PDCD1LG2: variants seen among roughly 807,000 people sequenced by gnomAD.
The protein encoded by PDCD1LG2 is programmed cell death 1 ligand 2.
In PDCD1LG2, 32 loss-of-function variants were observed where a neutral mutation model predicts 28.2. The observed-to-expected ratio is 1.13, with a 90% confidence interval of 0.86 to 1.52. The LOEUF (loss-of-function observed/expected upper bound fraction) is 1.52, where lower values mean the gene tolerates loss of function less well. Among genes scored for constraint, PDCD1LG2 ranks in the 40% most tolerant of loss-of-function variants. PDCD1LG2 has a pLI of 0.00. For missense variants in PDCD1LG2, 385 were observed against 323.8 expected, an observed-to-expected ratio of 1.19 and a Z score of -1.45; for synonymous variants, 116 against 120.2, an observed-to-expected ratio of 0.97 and a Z score of 0.23.
chr9:5,524,382 A>G (rs1328800471), intron 2 of PDCD1LG2, among the ~76,000 whole-genome samples: 1 of 152,246 alleles, frequency 6.6e-6, no homozygotes, highest in Non-Finnish European at 1.5e-5. Flanking sequence ...GGATATTCAC[A>G]GAATCAAAAA....
At chr9:5,567,650 C>T (rs751495152) in intron 6 of PDCD1LG2, among the ~76,000 whole-genome samples, 65 of 152,188 alleles carry the variant, frequency 4.3e-4, no homozygotes, top group Non-Finnish European at 5.6e-4. Flanking sequence ...TTAAGTGAAA[C>T]AGTAGCAGAC....
chr9:5,520,001 G>A (rs1460411403), intron 1 of PDCD1LG2, among the ~76,000 whole-genome samples: 1 of 152,192 alleles, frequency 6.6e-6, no homozygotes, highest in East Asian at 1.9e-4. Context: ...TCAGCTGGCT[G>A]TATTCCCCAA....
chr9:5,518,004 G>A (rs1820199614), intron 1 of PDCD1LG2, among the ~76,000 whole-genome samples: 1 of 152,182 alleles, frequency 6.6e-6, no homozygotes, highest in Admixed American at 6.5e-5. Flanking sequence ...GAGCCACCAT[G>A]CAAAAAGTAT....
At chr9:5,521,645 T>C (rs1469443572) in intron 1 of PDCD1LG2, among the ~76,000 whole-genome samples, 1 of 152,106 alleles carries the variant, frequency 6.6e-6, no homozygotes, top group Non-Finnish European at 1.5e-5. Context: ...TGTCTCTTAA[T>C]GATGTAAATG....
Position 5,538,642 on chromosome 9 carries a change from C to T in PDCD1LG2, c.361+3592C>T, listed in dbSNP as rs369167616. 6.0e-5 allele frequency among the ~76,000 whole-genome samples: 9 copies of T among 151,092 alleles called. No individual in the cohort carries two copies. In the East Asian group the frequency reaches 9.7e-4, roughly 16 times the overall value. On this transcript the variant is annotated intron_variant, in intron 3 of 6. Transcript: ENST00000397747. ...GGCGGAGCTTGTAGTGAGCCGAGAT[C>T]GCTCCACTGCACTCCAGCCTGGGCG...
chr9:5,567,179 GGCGAT>G (rs1816682678), intron 6 of PDCD1LG2, among the ~76,000 whole-genome samples: 1 of 152,142 alleles, frequency 6.6e-6, no homozygotes, highest in Admixed American at 6.5e-5. Flanking sequence ...GTTTAGGAAG[GGCGAT>G]GCTATACCTT....
intron 1 of PDCD1LG2, among the ~76,000 whole-genome samples, chr9:5,512,733 G>T (rs1374769595): frequency 1.3e-5 from 2 of 151,984 alleles, no homozygotes; most frequent in East Asian, 3.9e-4. Context: ...GAATGCTTAT[G>T]CCTTGCCCAG....
At chr9:5,549,919 C>A (rs1400873445) in intron 4 of PDCD1LG2, among the ~76,000 whole-genome samples, 1 of 152,130 alleles carries the variant, frequency 6.6e-6, no homozygotes, top group Non-Finnish European at 1.5e-5. Flanking sequence ...GAATGAATAC[C>A]CCAACTCATT....
At position 5,530,968 on chromosome 9, in the gene PDCD1LG2, A is replaced by C. The variant is rs577219043; in HGVS notation, c.56-3777A>C. On this transcript the variant is annotated intron_variant, in intron 2 of 6. Transcript: ENST00000397747. ...AAGTTGAGGACAACACTTTGAAGGC[A>C]AGGTGGTAAAAGACGCTTGCACGTG... 3.3e-5 allele frequency among the ~76,000 whole-genome samples: 5 copies of C among 152,354 alleles called. No homozygotes were observed. In the East Asian group the frequency reaches 9.6e-4, roughly 29 times the overall value.
chr9:5,539,343 A>G (rs996507976), intron 3 of PDCD1LG2, among the ~76,000 whole-genome samples: 18 of 152,324 alleles, frequency 1.2e-4, no homozygotes, highest in Middle Eastern at 3.4e-3. Context: ...TGAGGCCCCA[A>G]TGAGGGTTCC....
chr9:5,555,863 T>C (rs1816430202), intron 4 of PDCD1LG2, among the ~76,000 whole-genome samples: 1 of 152,198 alleles, frequency 6.6e-6, no homozygotes, highest in Non-Finnish European at 1.5e-5. Context: ...CTTGGAAACA[T>C]AGTCTCTGAG....
At chr9:5,542,875 G>A (rs1473621391) in intron 3 of PDCD1LG2, among the ~76,000 whole-genome samples, 1 of 152,058 alleles carries the variant, frequency 6.6e-6, no homozygotes, top group Non-Finnish European at 1.5e-5. Flanking sequence ...AAAGATACTT[G>A]CACACGCATT....
chr9:5,545,397 A>G (rs1816170088), intron 3 of PDCD1LG2, among the ~76,000 whole-genome samples: 1 of 152,272 alleles, frequency 6.6e-6, no homozygotes, highest in South Asian at 2.1e-4. Flanking sequence ...AATCTTTCCA[A>G]TGGAAGTTTA....
chr9:5,539,828 T>C (rs1291339715), intron 3 of PDCD1LG2, among the ~76,000 whole-genome samples: 1 of 152,238 alleles, frequency 6.6e-6, no homozygotes, highest in Non-Finnish European at 1.5e-5. Context: ...AGGAATGGGC[T>C]GAAGCTGACA....
chr9:5,530,577 G>A (rs1820463197), intron 2 of PDCD1LG2, among the ~76,000 whole-genome samples: 1 of 151,926 alleles, frequency 6.6e-6, no homozygotes, highest in Non-Finnish European at 1.5e-5. Flanking sequence ...GTGCATTGAA[G>A]ACACAGAGAT....
intron 2 of PDCD1LG2, among the ~76,000 whole-genome samples, chr9:5,534,301 A>G (rs543410356): frequency 6.6e-6 from 1 of 152,316 alleles, no homozygotes; most frequent in Admixed American, 6.5e-5. Flanking sequence ...CCTGGAGAAT[A>G]GGATGTGAAG....
At chr9:5,524,863 C>A (rs532292371) in intron 2 of PDCD1LG2, among the ~76,000 whole-genome samples, 2 of 152,132 alleles carry the variant, frequency 1.3e-5, no homozygotes, top group Non-Finnish European at 2.9e-5. Flanking sequence ...CAGACTGCAA[C>A]ACTCAGTGCC....
At chr9:5,567,866 C>T (rs1362525370) in intron 6 of PDCD1LG2, among the ~76,000 whole-genome samples, 1 of 152,164 alleles carries the variant, frequency 6.6e-6, no homozygotes, top group Non-Finnish European at 1.5e-5. Context: ...TTCTCATTCA[C>T]ATAATTTGGG....
rs374926025 is a variant in PDCD1LG2, at chr9:5,538,758, CAG to C, written c.361+3710_361+3711del. On this transcript the variant is annotated intron_variant, in intron 3 of 6. Transcript: ENST00000397747. ...GTGAAAACATGATTACAAGCAATAA[CAG>C]ATATAACAGCAGAAAAAATTGTGAA... Among the ~76,000 whole-genome samples, 483 of 150,466 alleles carry C rather than the reference CAG, an allele frequency of 3.2e-3. 1 individual carries two copies. The highest frequency in any genetic ancestry group is 8.2e-3 in the African/African-American group (338 of 41,020).
Sources: allele counts gnomAD v4.1 joint callset (sites outside exome capture counted in the v4.1 genomes callset), GRCh38; gene constraint gnomAD v4.1.1; transcripts MANE v1.5; gene names NCBI Gene and HGNC (gene_info 2026-07-23, HGNC 2026-07-21).